Variants in ABLIM1 observed in about 807,000 individuals in gnomAD.
The protein encoded by ABLIM1 is actin-binding LIM protein 1.
ABLIM1 carries 40 observed loss-of-function variants against 107.0 expected under a neutral mutation model. The observed-to-expected ratio is 0.37, with a 90% CI of 0.29 to 0.49. ABLIM1 has a LOEUF of 0.49. Among genes scored for constraint, ABLIM1 ranks in the 20% least tolerant of loss-of-function variants. The probability of loss-of-function intolerance (pLI) is 0.97; values close to 1 mark genes in which losing one functional copy is unlikely to be tolerated. For synonymous variants in ABLIM1, 357 were observed against 357.3 expected, an observed-to-expected ratio of 1.00 and a Z score of 0.01; for missense variants, 857 against 1,008.5, an observed-to-expected ratio of 0.85 and a Z score of 2.04.
intron 12 of ABLIM1, among the ~76,000 whole-genome samples, chr10:114,454,788 A>G (rs1458187865): frequency 6.6e-6 from 1 of 152,214 alleles, no homozygotes; most frequent in Non-Finnish European, 1.5e-5. Flanking sequence ...TTAAAGCTCA[A>G]TAAATTAGTA....
In ABLIM1 at chr10:114,690,667, C is replaced by T. The variant is rs114742740; in HGVS notation, c.-213+77394G>A. 784 of 558,414 alleles carry T rather than the reference C, an allele frequency of 1.4e-3. 1 individual carries two copies. Among genetic ancestry groups the T allele is most frequent in the African/African-American group, 0.012 (636 of 53,320 alleles). 34.6% of individuals were successfully genotyped at this position (558,414 alleles called of 1,614,324 possible). A position where few individuals can be genotyped will look rare whatever the true frequency, so the allele number is the denominator to read the frequency against. On this transcript the variant is annotated intron_variant, in intron 1 of 15. Transcript: ENST00000651092. ...GCTGATACTACAGGGCTCCTGGTGG[C>T]GGCAGCGTCTGCAAAAGCCTATTTT...
chr10:114,536,037 T>C (rs1266670182), intron 6 of ABLIM1, among the ~76,000 whole-genome samples: 1 of 152,002 alleles, frequency 6.6e-6, no homozygotes, highest in East Asian at 1.9e-4. Flanking sequence ...TGTCTAATTC[T>C]AGAACATTTC....
At chr10:114,739,614 C>T (rs1160077490) in intron 1 of ABLIM1, among the ~76,000 whole-genome samples, 1 of 151,924 alleles carries the variant, frequency 6.6e-6, no homozygotes, top group Non-Finnish European at 1.5e-5. Context: ...AAAAAAATTT[C>T]CCATCATATA....
chr10:114,577,641 C>T (rs2072769221), intron 2 of ABLIM1, among the ~76,000 whole-genome samples: 1 of 152,242 alleles, frequency 6.6e-6, no homozygotes, highest in African/African-American at 2.4e-5. Flanking sequence ...TAATAAAGTC[C>T]TAGTTTCTGT....
At chr10:114,633,156 T>C (rs887478007) in intron 1 of ABLIM1, among the ~76,000 whole-genome samples, 1 of 152,204 alleles carries the variant, frequency 6.6e-6, no homozygotes, top group Non-Finnish European at 1.5e-5. Context: ...AGAACCAGAA[T>C]GCACAGCCAG....
Position 114,432,037 on chromosome 10 carries a change from G to C in ABLIM1, c.*4223C>G, listed in dbSNP as rs377273709. On this transcript the variant is annotated 3_prime_UTR_variant, in exon 23 of 23. Coordinates refer to ENST00000533213, the MANE Select transcript of ABLIM1 (RefSeq NM_002313.7). The stretch of plus-strand genomic sequence containing the variant: ...TCTTTCTTCTATCACAACATAGTTG[G>C]GTAGTTCCCTTAAAGTACATCATTG... The C allele has an allele frequency of 3.9e-5, 6 of 152,082 alleles. No homozygotes were observed. Among genetic ancestry groups the C allele is most frequent in the African/African-American group, 1.4e-4 (6 of 41,408 alleles). 9.4% of individuals were successfully genotyped at this position (152,082 alleles called of 1,614,324 possible). A position where few individuals can be genotyped will look rare whatever the true frequency, so the allele number is the denominator to read the frequency against.
chr10:114,620,152 C>T (rs527383953), intron 1 of ABLIM1, among the ~76,000 whole-genome samples: 1 of 152,226 alleles, frequency 6.6e-6, no homozygotes, highest in South Asian at 2.1e-4. Context: ...ACCACTGGAA[C>T]ATAAAATAAG....
chr10:114,446,773 A>G (rs191102331), intron 15 of ABLIM1, among the ~76,000 whole-genome samples: 296 of 152,344 alleles, frequency 1.9e-3, no homozygotes, highest in Non-Finnish European at 2.9e-3. Context: ...AAGGGCATGG[A>G]TTGGCATAGA....
At chr10:114,640,504 A>G (rs896460153) in intron 1 of ABLIM1, among the ~76,000 whole-genome samples, 10 of 152,006 alleles carry the variant, frequency 6.6e-5, no homozygotes, top group African/African-American at 2.4e-4. Context: ...TCCAGCCTGG[A>G]TGACAGAGCA....
the ABLIM1 span, among the ~76,000 whole-genome samples, chr10:114,800,260 A>C: frequency 6.6e-6 from 1 of 152,188 alleles, no homozygotes; most frequent in Non-Finnish European, 1.5e-5. Flanking sequence ...TTTGTGGAGG[A>C]CTATAGGATT....
intron 12 of ABLIM1, among the ~76,000 whole-genome samples, chr10:114,456,923 TG>T (rs1205528787): frequency 4.7e-5 from 5 of 107,426 alleles, no homozygotes; most frequent in East Asian, 2.7e-4. Context: ...CCTCTCTAGT[TG>T]TTTTTTTTTT....
chr10:114,534,853 C>A (rs1590989433), intron 6 of ABLIM1, among the ~76,000 whole-genome samples: 1 of 152,214 alleles, frequency 6.6e-6, no homozygotes, highest in East Asian at 1.9e-4. Flanking sequence ...TAAGAAAGCC[C>A]TTCCATTTGT....
intron 2 of ABLIM1, chr10:114,601,584 C>A: frequency 1.7e-6 from 1 of 604,986 alleles, no homozygotes; most frequent in South Asian, 1.8e-5. Context: ...CAGTGTTAGT[C>A]CCTTCTTCCA....
intron 6 of ABLIM1, among the ~76,000 whole-genome samples, chr10:114,512,972 T>C (rs2062161179): frequency 6.6e-6 from 1 of 152,208 alleles, no homozygotes; most frequent in South Asian, 2.1e-4. Flanking sequence ...TTATTACTTA[T>C]ATACCAAAAC....
chr10:114,443,045 A>C (rs567960044), intron 17 of ABLIM1, among the ~76,000 whole-genome samples: 60 of 151,956 alleles, frequency 3.9e-4, no homozygotes, highest in Non-Finnish European at 7.5e-4. Context: ...TCACTGTGTT[A>C]GCCAGGATGG....
chr10:114,716,290 C>T (rs1283643861), intron 1 of ABLIM1, among the ~76,000 whole-genome samples: 3 of 152,056 alleles, frequency 2.0e-5, no homozygotes, highest in Admixed American at 6.6e-5. Flanking sequence ...CTATCTTTTG[C>T]GGCCAGTGTT....
chr10:114,464,396 G>A (rs1281675575), intron 12 of ABLIM1, among the ~76,000 whole-genome samples: 1 of 152,056 alleles, frequency 6.6e-6, no homozygotes, highest in Non-Finnish European at 1.5e-5. Flanking sequence ...ATATTGGTCA[G>A]GCTGGTCTTG....
chr10:114,775,380 T>G, the ABLIM1 span, among the ~76,000 whole-genome samples: 1 of 152,170 alleles, frequency 6.6e-6, no homozygotes, highest in African/African-American at 2.4e-5. Context: ...CAATGGAATA[T>G]TTGAGGGATC....
At chr10:114,536,278 A>C (rs1591003288) in intron 6 of ABLIM1, among the ~76,000 whole-genome samples, 1 of 99,924 alleles carries the variant, frequency 1.0e-5, no homozygotes, top group Admixed American at 1.6e-4. Flanking sequence ...ATGGAGTCTC[A>C]CTCTTGTCGC....
Sources: gnomAD v4.1 joint callset for allele counts (sites outside exome capture counted in the v4.1 genomes callset) on GRCh38, gnomAD v4.1.1 for gene constraint, MANE v1.5 for transcripts, NCBI Gene and HGNC (gene_info 2026-07-23, HGNC 2026-07-21) for gene names.